PTPRD: variants seen among roughly 807,000 people sequenced by gnomAD.
The protein encoded by PTPRD is receptor-type tyrosine-protein phosphatase delta.
A neutral mutation model predicts 214.5 loss-of-function variants in PTPRD; 34 were observed. The observed-to-expected ratio is 0.16, with a 90% CI of 0.12 to 0.21. The LOEUF (loss-of-function observed/expected upper bound fraction) is 0.21, where lower values mean the gene tolerates loss of function less well. PTPRD is among the 10% of genes least tolerant of loss of function. PTPRD has a pLI of 1.00. For missense variants in PTPRD, 2,545 were observed against 2,398.7 expected, an observed-to-expected ratio of 1.06 and a Z score of -1.27; for synonymous variants, 1,128 against 845.7, an observed-to-expected ratio of 1.33 and a Z score of -5.79.
intron 5 of PTPRD, among the ~76,000 whole-genome samples, chr9:9,930,810 G>C (rs760137504): frequency 2.8e-4 from 43 of 151,684 alleles, no homozygotes; most frequent in Non-Finnish European, 5.2e-4. Flanking sequence ...ATGTAAATAG[G>C]TCAATTTTGA....
At chr9:8,477,768 C>G (rs2135408508) in intron 30 of PTPRD, among the ~76,000 whole-genome samples, 1 of 152,212 alleles carries the variant, frequency 6.6e-6, no homozygotes, top group East Asian at 1.9e-4. Context: ...CTGTTTATGT[C>G]TACTTCTTTT....
chr9:10,280,360 C>CCCCA (rs1555032906), intron 3 of PTPRD, among the ~76,000 whole-genome samples: 1 of 144,722 alleles, frequency 6.9e-6, no homozygotes, highest in African/African-American at 2.6e-5. Context: ...TACATAAACA[C>CCCCA]CACACACACA....
chr9:9,257,128 G>C (rs2099978058), intron 9 of PTPRD, among the ~76,000 whole-genome samples: 1 of 151,918 alleles, frequency 6.6e-6, no homozygotes, highest in Non-Finnish European at 1.5e-5. Flanking sequence ...AGGGCACCTA[G>C]AGATGATCTA....
chr9:8,522,245 C>T (rs563565546), intron 19 of PTPRD, among the ~76,000 whole-genome samples: 3 of 152,042 alleles, frequency 2.0e-5, no homozygotes, highest in Admixed American at 6.6e-5. Context: ...TCTCAAGGCC[C>T]GTGCTAAGGA....
At chr9:10,319,444 G>A (rs1356546611) in intron 3 of PTPRD, among the ~76,000 whole-genome samples, 1 of 152,020 alleles carries the variant, frequency 6.6e-6, no homozygotes, top group Non-Finnish European at 1.5e-5. Context: ...TTCTGTGGGT[G>A]CTCTCTAGAA....
chr9:9,735,416 C>T (rs1263197859), intron 6 of PTPRD, among the ~76,000 whole-genome samples: 6 of 152,062 alleles, frequency 3.9e-5, no homozygotes, highest in Non-Finnish European at 7.4e-5. Context: ...ATTTGAAAAA[C>T]ACATGTCTTT....
chr9:9,946,596 A>C (rs1707159830), intron 4 of PTPRD, among the ~76,000 whole-genome samples: 1 of 151,998 alleles, frequency 6.6e-6, no homozygotes, highest in African/African-American at 2.4e-5. Context: ...AAAGGGAAAC[A>C]TATTCTTTCC....
At position 9,031,827 on chromosome 9, in the gene PTPRD, C is replaced by T. The variant is rs772993064; in HGVS notation, c.-142-13092G>A. Among the ~76,000 whole-genome samples the T allele has an allele frequency of 7.9e-5, 12 of 152,052 alleles. No homozygotes were observed. The South Asian group carries it at 8.3e-4, about 11-fold the overall frequency. Reference sequence around the variant, plus strand: ...AATGCCTCATAGGATAAATGGGACACGGCTTCCTGGACGTGCTGGCATTTG... The same window carrying T: ...AATGCCTCATAGGATAAATGGGACATGGCTTCCTGGACGTGCTGGCATTTG... On this transcript the variant is annotated intron_variant, in intron 10 of 45. Transcript: ENST00000381196.
chr9:8,817,623 C>G (rs1195674092), intron 11 of PTPRD, among the ~76,000 whole-genome samples: 1 of 151,810 alleles, frequency 6.6e-6, no homozygotes, highest in Non-Finnish European at 1.5e-5. Flanking sequence ...ACAGCAAGCC[C>G]CTGTCTCTAA....
intron 3 of PTPRD, among the ~76,000 whole-genome samples, chr9:10,304,184 G>T (rs1389789805): frequency 6.6e-6 from 1 of 152,092 alleles, no homozygotes; most frequent in Non-Finnish European, 1.5e-5. Flanking sequence ...CTCAATAAAT[G>T]CAGAAAAGGC....
chr9:9,137,506 C>CTCT (rs1248425009), intron 10 of PTPRD, among the ~76,000 whole-genome samples: 2 of 152,224 alleles, frequency 1.3e-5, no homozygotes, highest in Non-Finnish European at 2.9e-5. Context: ...TATAACCCCC[C>CTCT]TCTTAATATC....
chr9:8,836,641 G>A (rs2097430258), intron 11 of PTPRD, among the ~76,000 whole-genome samples: 1 of 131,440 alleles, frequency 7.6e-6, no homozygotes, highest in African/African-American at 2.9e-5. Flanking sequence ...TCTGTTGCCA[G>A]GCTGGAATGC....
At chr9:9,287,747 C>T (rs924132784) in intron 9 of PTPRD, among the ~76,000 whole-genome samples, 1 of 151,850 alleles carries the variant, frequency 6.6e-6, no homozygotes, top group Non-Finnish European at 1.5e-5. Flanking sequence ...GAAGATATTT[C>T]TGAGAAACAC....
intron 21 of PTPRD, among the ~76,000 whole-genome samples, chr9:8,511,816 C>T (rs903415189): frequency 6.6e-6 from 1 of 151,982 alleles, no homozygotes; most frequent in Non-Finnish European, 1.5e-5. Flanking sequence ...TGTGAGCTAT[C>T]GAGTCCCTAA....
At chr9:8,960,211 A>G (rs2099151702) in intron 11 of PTPRD, among the ~76,000 whole-genome samples, 1 of 152,072 alleles carries the variant, frequency 6.6e-6, no homozygotes, top group Non-Finnish European at 1.5e-5. Context: ...GTCGTCAGGA[A>G]CAGATAAGGT....
chr9:9,741,117 G>A (rs1393408884), intron 6 of PTPRD, among the ~76,000 whole-genome samples: 2 of 152,148 alleles, frequency 1.3e-5, no homozygotes, highest in East Asian at 1.9e-4. Flanking sequence ...TGAGGAAGTA[G>A]TAGAGGAATA....
intron 3 of PTPRD, among the ~76,000 whole-genome samples, chr9:10,243,172 T>C (rs1212623318): frequency 6.6e-6 from 1 of 151,972 alleles, no homozygotes; most frequent in Non-Finnish European, 1.5e-5. Flanking sequence ...TTCAGAGACT[T>C]CATTACTGTC....
Position 8,315,345 on chromosome 9 carries a change from G to C in PTPRD, c.*2529C>G, listed in dbSNP as rs1485336866. 8.6e-6 allele frequency: 2 copies of C among 232,424 alleles called. No individual in the cohort carries two copies. Among genetic ancestry groups the C allele is most frequent in the African/African-American group, 2.2e-5 (1 of 45,236 alleles). 14.4% of individuals were successfully genotyped at this position (232,424 alleles called of 1,614,324 possible). Reference sequence around the variant, plus strand: ...TGCCAAATGGGCAGTTATTGTTTCAGGGAGAGAAGCTGCTCATTGGCCAAT... The same window carrying C: ...TGCCAAATGGGCAGTTATTGTTTCACGGAGAGAAGCTGCTCATTGGCCAAT... On this transcript the variant is annotated 3_prime_UTR_variant, in exon 46 of 46. Coordinates refer to ENST00000381196, the MANE Select transcript of PTPRD (RefSeq NM_002839.4).
At chr9:10,478,884 G>A (rs2060198456) in intron 2 of PTPRD, among the ~76,000 whole-genome samples, 3 of 151,842 alleles carry the variant, frequency 2.0e-5, no homozygotes, top group Non-Finnish European at 1.5e-5. Context: ...TTACTATCCA[G>A]TGAGATCTTG....
Sources: gnomAD v4.1 joint callset for allele counts (sites outside exome capture counted in the v4.1 genomes callset) on GRCh38, gnomAD v4.1.1 for gene constraint, MANE v1.5 for transcripts, NCBI Gene and HGNC (gene_info 2026-07-23, HGNC 2026-07-21) for gene names.